Variants in ARHGAP6 observed in about 807,000 individuals in gnomAD.
ARHGAP6 encodes the protein rho GTPase-activating protein 6.
A neutral mutation model predicts 55.7 loss-of-function variants in ARHGAP6; 16 were observed. That is an observed-to-expected ratio of 0.29 (90% confidence interval 0.19 to 0.44). The LOEUF (loss-of-function observed/expected upper bound fraction) is 0.44. Among genes scored for constraint, ARHGAP6 ranks in the 20% least tolerant of loss-of-function variants. The pLI is 1.00. For synonymous variants in ARHGAP6, 382 were observed against 360.9 expected (o/e 1.06, Z -0.66); for missense variants, 698 against 808.9 (o/e 0.86, Z 1.66).
At chrX:11,516,269 G>A (rs756838594) in intron 1 of ARHGAP6, among the ~76,000 whole-genome samples, 1 of 111,311 alleles carries the variant, frequency 9.0e-6, no homozygotes, top group African/African-American at 3.3e-5. Context: ...TATAAAATTT[G>A]CCATTTTAAC....
intron 1 of ARHGAP6, among the ~76,000 whole-genome samples, chrX:11,573,550 T>C (rs1341966491): frequency 1.8e-5 from 2 of 110,108 alleles, no homozygotes; most frequent in Non-Finnish European, 3.8e-5. Flanking sequence ...TCTATATCTC[T>C]GTTTTGGTAC....
chrX:11,279,698 A>G (rs1031744463), intron 1 of ARHGAP6, among the ~76,000 whole-genome samples: 2 of 111,019 alleles, frequency 1.8e-5, no homozygotes, highest in African/African-American at 3.3e-5. Context: ...TGACTAATAA[A>G]CCTAACAACT....
chrX:11,247,273 T>C (rs1489412618), intron 2 of ARHGAP6, among the ~76,000 whole-genome samples: 1 of 112,196 alleles, frequency 8.9e-6, no homozygotes, highest in East Asian at 2.8e-4. Flanking sequence ...CCTTTCTCAA[T>C]TGTGATATCA....
Position 11,184,674 on chromosome X carries a change from T to C in ARHGAP6, c.1273+1562A>G, listed in dbSNP as rs1487378543. On this transcript the variant is annotated intron_variant, in intron 5 of 12. Transcript: ENST00000337414. ...CACTCAGAGTCTATTTCTCTCTATATAATAATATATGCCAGGTACTATTCT... is the reference window on the plus strand; with the variant it reads ...CACTCAGAGTCTATTTCTCTCTATACAATAATATATGCCAGGTACTATTCT... Among the ~76,000 whole-genome samples the C allele has an allele frequency of 2.1e-4, 24 of 112,797 alleles. No homozygotes were observed. In the Admixed American group the frequency reaches 2.2e-3, roughly 11 times the overall value.
rs185895997 is a variant in ARHGAP6, at chrX:11,606,899, C to T, written c.588+57342G>A. Reference sequence around the variant, plus strand: ...CAAAATGTAGTGATTACAAATCCCACGTTACAAAACCACTTCATTCAATAC... The same window carrying T: ...CAAAATGTAGTGATTACAAATCCCATGTTACAAAACCACTTCATTCAATAC... On this transcript the variant is annotated intron_variant, in intron 1 of 12. Transcript: ENST00000337414. Among the ~76,000 whole-genome samples the T allele has an allele frequency of 7.1e-4, 79 of 111,897 alleles. 1 individual carries two copies. The highest frequency in any genetic ancestry group is 2.4e-3 in the African/African-American group (75 of 30,877).
At chrX:11,610,774 C>T (rs1281253319) in intron 1 of ARHGAP6, among the ~76,000 whole-genome samples, 1 of 111,721 alleles carries the variant, frequency 9.0e-6, no homozygotes, top group Admixed American at 9.5e-5. Flanking sequence ...AATATTTCAT[C>T]GCCACACAAA....
intron 1 of ARHGAP6, among the ~76,000 whole-genome samples, chrX:11,414,988 T>C (rs1291352721): frequency 8.9e-6 from 1 of 111,841 alleles, no homozygotes; most frequent in African/African-American, 3.2e-5. Flanking sequence ...CAATGTATTA[T>C]ATACTTCAAA....
intron 1 of ARHGAP6, among the ~76,000 whole-genome samples, chrX:11,490,807 A>C (rs1383865694): frequency 8.9e-6 from 1 of 112,374 alleles, no homozygotes; most frequent in East Asian, 2.8e-4. Flanking sequence ...GTAGGAGGAA[A>C]CCATGCTAGA....
In ARHGAP6 at chrX:11,391,482, GA is replaced by G. The variant is rs771990257; in HGVS notation, c.589-136776del. Among the ~76,000 whole-genome samples, 365 of 95,018 alleles carry G rather than the reference GA, an allele frequency of 3.8e-3. 2 individuals are homozygous for G. The highest frequency in any genetic ancestry group is 0.013 in the East Asian group (42 of 3,193). 82.5% of individuals were successfully genotyped at this position (95,018 alleles called of 115,157 possible). A position where few individuals can be genotyped will look rare whatever the true frequency, so the allele number is the denominator to read the frequency against. On this transcript the variant is annotated intron_variant, in intron 1 of 12. Transcript: ENST00000337414. ...GTATGATTAAAAAAAGAAAAGAAAAGAAAAAAAAAAGCCAGAAAACTTTAAA... is the reference window on the plus strand; with the variant it reads ...GTATGATTAAAAAAAGAAAAGAAAAGAAAAAAAAAGCCAGAAAACTTTAAA...
intron 2 of ARHGAP6, among the ~76,000 whole-genome samples, chrX:11,216,428 T>A (rs2046883818): frequency 9.0e-6 from 1 of 111,468 alleles, no homozygotes; most frequent in Admixed American, 9.5e-5. Context: ...CCGAGGTGGG[T>A]AAATCACTTG....
chrX:11,415,337 C>T (rs2049734233), intron 1 of ARHGAP6, among the ~76,000 whole-genome samples: 1 of 111,374 alleles, frequency 9.0e-6, no homozygotes, highest in Non-Finnish European at 1.9e-5. Context: ...TCTCCAATCA[C>T]TGTGGATTTA....
chrX:11,322,691 T>C (rs144784358), intron 1 of ARHGAP6, among the ~76,000 whole-genome samples: 1,249 of 112,472 alleles, frequency 0.011, 16 homozygotes, highest in African/African-American at 0.038. Context: ...GTCCACAATG[T>C]TATATTCATA....
At chrX:11,364,213 G>T (rs2049046761) in intron 1 of ARHGAP6, among the ~76,000 whole-genome samples, 1 of 110,415 alleles carries the variant, frequency 9.1e-6, no homozygotes, top group Non-Finnish European at 1.9e-5. Context: ...AGGGTGGAGG[G>T]TGGGAGGAGA....
rs1179369317 is a variant in ARHGAP6, at chrX:11,614,941, GA to G, written c.588+49299del. On this transcript the variant is annotated intron_variant, in intron 1 of 12. Transcript: ENST00000337414. ...AAAGCTTCCTTGAGGGGGCAATAAT[GA>G]AAAAAAAAAGGTGGAGACACATTAG... Among the ~76,000 whole-genome samples, 43 of 105,343 alleles carry G rather than the reference GA, an allele frequency of 4.1e-4. No individual in the cohort carries two copies. In the South Asian group the frequency reaches 0.016, roughly 38 times the overall value. 91.5% of individuals were successfully genotyped at this position (105,343 alleles called of 115,157 possible). A position where few individuals can be genotyped will look rare whatever the true frequency, so the allele number is the denominator to read the frequency against.
intron 1 of ARHGAP6, among the ~76,000 whole-genome samples, chrX:11,507,243 C>G (rs959421125): frequency 2.7e-5 from 3 of 110,345 alleles, no homozygotes; most frequent in African/African-American, 9.9e-5. Flanking sequence ...GAAATAAGGG[C>G]GGTTATTGGC....
intron 1 of ARHGAP6, among the ~76,000 whole-genome samples, chrX:11,607,494 G>A (rs923485185): frequency 8.9e-6 from 1 of 112,034 alleles, no homozygotes; most frequent in Non-Finnish European, 1.9e-5. Context: ...AACTGAGAAG[G>A]TATTTCCACC....
chrX:11,661,522 G>C (rs780890055), intron 1 of ARHGAP6, among the ~76,000 whole-genome samples: 3 of 112,584 alleles, frequency 2.7e-5, no homozygotes, highest in Non-Finnish European at 3.8e-5. Context: ...GGGAGCAGGG[G>C]CTGTTGTATG....
At chrX:11,515,407 T>G (rs928672423) in intron 1 of ARHGAP6, among the ~76,000 whole-genome samples, 1 of 112,074 alleles carries the variant, frequency 8.9e-6, no homozygotes, top group African/African-American at 3.2e-5. Context: ...AGTGTCATGT[T>G]AGGGAACATT....
At chrX:11,374,549 G>A (rs1298412457) in intron 1 of ARHGAP6, among the ~76,000 whole-genome samples, 1 of 112,140 alleles carries the variant, frequency 8.9e-6, no homozygotes, top group African/African-American at 3.2e-5. Context: ...TTCCTCAGAA[G>A]TAGGCAATCT....
Sources: gnomAD v4.1 joint callset for allele counts (sites outside exome capture counted in the v4.1 genomes callset) on GRCh38, gnomAD v4.1.1 for gene constraint, MANE v1.5 for transcripts, NCBI Gene and HGNC (gene_info 2026-07-23, HGNC 2026-07-21) for gene names.